Variants in GON4L observed in about 807,000 individuals in gnomAD.
The protein encoded by GON4L is GON-4-like protein.
A neutral mutation model predicts 211.8 loss-of-function variants in GON4L; 87 were observed. The observed-to-expected ratio is 0.41, with a 90% confidence interval of 0.35 to 0.49. GON4L has a LOEUF of 0.49. Among genes scored for constraint, GON4L ranks in the 20% least tolerant of loss-of-function variants. GON4L has a pLI of 0.15. For synonymous variants in GON4L, 875 were observed against 962.6 expected, an observed-to-expected ratio of 0.91 and a Z score of 1.68; for missense variants, 2,155 against 2,659.5, an observed-to-expected ratio of 0.81 and a Z score of 4.17.
intron 2 of GON4L, among the ~76,000 whole-genome samples, chr1:155,829,750 C>T (rs2102325943): frequency 6.6e-6 from 1 of 152,266 alleles, no homozygotes; most frequent in South Asian, 2.1e-4. Context: ...TTCTGCTCAG[C>T]TTCTCTTTCT....
intron 14 of GON4L, among the ~76,000 whole-genome samples, chr1:155,782,547 A>G (rs866959699): frequency 2.6e-5 from 4 of 152,222 alleles, no homozygotes; most frequent in African/African-American, 4.8e-5. Flanking sequence ...TCGTTTAATG[A>G]TAACATTTCA....
At chr1:155,753,532 T>C in intron 28 of GON4L, 118 bp from the exon 29 acceptor site, 1 of 725,706 alleles carries the variant, frequency 1.4e-6, no homozygotes, top group Non-Finnish European at 2.4e-6. Flanking sequence ...GCATGTCTGC[T>C]CCAACAATTT....
chr1:155,837,603 T>C (rs1362774832), intron 2 of GON4L, among the ~76,000 whole-genome samples: 2 of 152,014 alleles, frequency 1.3e-5, no homozygotes, highest in Non-Finnish European at 2.9e-5. Context: ...ATGAGTGTTC[T>C]GGCTTGCTGT....
In GON4L at chr1:155,753,262, A is replaced by T. The variant is rs765331143; in HGVS notation, c.5784T>A (p.Thr1928=). Residue 1928 remains threonine, a synonymous_variant, in exon 29 of 32, where the codon ACT becomes ACA. Transcript: ENST00000368331. The part of the protein sequence containing the change: ...EEEAPEERES[T]EATQSRTVRT... Reference sequence around the variant, plus strand: ...TGACAGTCCTGCTCTGGGTGGCCTCAGTGCTCTCCCGCTCCTCTGGGGCTT... The same window carrying T: ...TGACAGTCCTGCTCTGGGTGGCCTCTGTGCTCTCCCGCTCCTCTGGGGCTT... The T allele has an allele frequency of 1.2e-6, 2 of 1,611,406 alleles. No homozygotes were observed. The highest frequency in any genetic ancestry group is 1.7e-6 in the Non-Finnish European group (2 of 1,179,070).
At chr1:155,772,667 C>T (rs1270849063) in intron 18 of GON4L, among the ~76,000 whole-genome samples, 2 of 151,766 alleles carry the variant, frequency 1.3e-5, no homozygotes, top group Non-Finnish European at 2.9e-5. Flanking sequence ...GGCTGAGGTG[C>T]AAGGATCGCT....
Position 155,749,862 on chromosome 1 carries a change from G to C in GON4L, c.*722C>G. The C allele has an allele frequency of 2.5e-6, 4 of 1,604,678 alleles. No individual in the cohort carries two copies. In the South Asian group the frequency reaches 4.4e-5, roughly 18 times the overall value. On this transcript the variant is annotated 3_prime_UTR_variant, in exon 32 of 32. Coordinates refer to ENST00000368331, the MANE Select transcript of GON4L (RefSeq NM_001282860.2). ...TAAGGTTGGACTTCCTTATCAGTTT[G>C]GCGAGTCCCAGGGCAGAATAATCAT... is the stretch of plus-strand genomic sequence containing the variant.
At chr1:155,815,537 T>A (rs975323667) in intron 8 of GON4L, among the ~76,000 whole-genome samples, 2 of 152,146 alleles carry the variant, frequency 1.3e-5, no homozygotes, top group Non-Finnish European at 2.9e-5. Context: ...TAATGATATA[T>A]TTCTTGACTT....
chr1:155,765,612 G>A lies in GON4L; in HGVS notation c.3861C>T (p.Ala1287=). The change falls in exon 21 of 32, where the codon GCC becomes GCT. Residue 1287 remains alanine, a synonymous_variant. Coordinates refer to ENST00000368331, the MANE Select transcript of GON4L (RefSeq NM_001282860.2). ...ECQEGLSENS[A]CRWTVVKTEE... is the part of the protein sequence containing the mutation. The stretch of plus-strand genomic sequence containing the variant: ...CTGTTTTCACAACGGTCCAGCGACA[G>A]GCACTATTCTCTGACAATCCTTCTT... 3.1e-6 allele frequency: 5 copies of A among 1,614,184 alleles called. No individual in the cohort carries two copies. Among genetic ancestry groups the A allele is most frequent in the South Asian group, 1.1e-5 (1 of 91,078 alleles).
intron 1 of GON4L, 138 bp downstream of exon 1, chr1:155,857,009 C>T (rs1672350515): frequency 6.6e-6 from 1 of 152,532 alleles, no homozygotes; most frequent in Non-Finnish European, 1.5e-5. Context: ...CCATTCCCAA[C>T]TAGACACTGG....
intron 11 of GON4L, among the ~76,000 whole-genome samples, chr1:155,804,485 A>G (rs995982351): frequency 1.7e-4 from 25 of 151,206 alleles, no homozygotes; most frequent in Admixed American, 6.6e-5. Flanking sequence ...TACCCAGAAA[A>G]AGAAATGTTA....
chr1:155,802,399 GAA>G lies in GON4L; in HGVS notation c.1645+2548_1645+2549del, dbSNP rs998231247. On this transcript the variant is annotated intron_variant, in intron 11 of 31. Coordinates refer to ENST00000368331, the MANE Select transcript of GON4L (RefSeq NM_001282860.2). Reference sequence around the variant, plus strand: ...TATATTACTCTTACAGTTTTACAGTGAAAAAAGAGAAAACTCTGGAAAGAATA... The same window carrying G: ...TATATTACTCTTACAGTTTTACAGTGAAAAGAGAAAACTCTGGAAAGAATA... Among the ~76,000 whole-genome samples, 3 of 151,712 alleles carry G rather than the reference GAA, an allele frequency of 2.0e-5. No homozygotes were observed. The East Asian group carries it at 5.8e-4, about 29-fold the overall frequency.
chr1:155,785,948 T>C (rs1425894643), intron 12 of GON4L, among the ~76,000 whole-genome samples: 1 of 152,036 alleles, frequency 6.6e-6, no homozygotes, highest in Admixed American at 6.6e-5. Flanking sequence ...TATAAAAAAT[T>C]AGCCAGCCGT....
intron 2 of GON4L, 145 bp downstream of exon 2, chr1:155,853,131 T>G: frequency 2.5e-6 from 2 of 805,328 alleles, no homozygotes; most frequent in Non-Finnish European, 2.1e-6. Context: ...AAAAGTTCAC[T>G]GTTGACCCTT....
intron 2 of GON4L, among the ~76,000 whole-genome samples, chr1:155,843,774 G>A (rs1670988325): frequency 6.6e-6 from 1 of 152,094 alleles, no homozygotes; most frequent in African/African-American, 2.4e-5. Flanking sequence ...TGGAAAACGA[G>A]GGCTACTCAA....
chr1:155,844,212 T>C (rs1339770930), intron 2 of GON4L, among the ~76,000 whole-genome samples: 2 of 152,318 alleles, frequency 1.3e-5, no homozygotes, highest in Admixed American at 6.5e-5. Context: ...CCACCAACAC[T>C]AGTCAGACAT....
intron 13 of GON4L, 52 bp from the exon 14 acceptor site, chr1:155,784,141 T>C: frequency 6.2e-7 from 1 of 1,603,966 alleles, no homozygotes; most frequent in Admixed American, 1.7e-5. Context: ...CTCTGAATGT[T>C]GCTCCAGTAT....
At chr1:155,859,246 A>G (rs1478360113), upstream of GON4L, 1 of 153,890 alleles carries the variant, frequency 6.5e-6, no homozygotes, top group Non-Finnish European at 1.5e-5. Flanking sequence ...CTGCTGTATT[A>G]AAGCCCAGAA....
chr1:155,811,683 G>A (rs1008284135), intron 10 of GON4L, among the ~76,000 whole-genome samples: 8 of 136,618 alleles, frequency 5.9e-5, no homozygotes, highest in South Asian at 4.7e-4. Context: ...CTTGAACCCC[G>A]AAGTGGAGGT....
intron 18 of GON4L, among the ~76,000 whole-genome samples, chr1:155,772,470 C>T (rs909243088): frequency 6.6e-6 from 1 of 151,358 alleles, no homozygotes; most frequent in African/African-American, 2.4e-5. Context: ...TGTTCATAAT[C>T]TGGTGGGTGT....
Sources: allele counts gnomAD v4.1 joint callset (sites outside exome capture counted in the v4.1 genomes callset), GRCh38; gene constraint gnomAD v4.1.1; transcripts MANE v1.5; gene names NCBI Gene and HGNC (gene_info 2026-07-23, HGNC 2026-07-21).